MAML2: variants seen among roughly 807,000 people sequenced by gnomAD.
The protein encoded by MAML2 is mastermind like transcriptional coactivator 2, also known as mastermind-like protein 2.
A neutral mutation model predicts 96.1 loss-of-function variants in MAML2; 22 were observed. That is an observed-to-expected ratio of 0.23 (90% CI 0.16 to 0.33). The LOEUF is 0.33. Among genes scored for constraint, MAML2 ranks in the 10% least tolerant of loss-of-function variants. The pLI, the probability that MAML2 is intolerant of heterozygous loss-of-function variation, is 1.00. For synonymous variants in MAML2, 561 were observed against 521.3 expected, an observed-to-expected ratio of 1.08 and a Z score of -1.04; for missense variants, 1,367 against 1,392.4, an observed-to-expected ratio of 0.98 and a Z score of 0.29.
At chr11:96,113,904 A>C (rs1325387330) in intron 1 of MAML2, among the ~76,000 whole-genome samples, 1 of 152,172 alleles carries the variant, frequency 6.6e-6, no homozygotes, top group South Asian at 2.1e-4. Context: ...GAAGTCATTC[A>C]TAGAGAGTGT....
intron 1 of MAML2, among the ~76,000 whole-genome samples, chr11:96,212,935 C>A (rs1861992631): frequency 6.6e-6 from 1 of 152,136 alleles, no homozygotes; most frequent in Admixed American, 6.5e-5. Flanking sequence ...GGGTAAGACA[C>A]TCTACCAGCC....
At chr11:96,236,085 A>G (rs1591088088) in intron 1 of MAML2, among the ~76,000 whole-genome samples, 2 of 152,222 alleles carry the variant, frequency 1.3e-5, no homozygotes, top group South Asian at 4.1e-4. Flanking sequence ...CTGAAGGAGC[A>G]CTTTGAATTC....
At chr11:95,996,541 G>C (rs536753533) in intron 2 of MAML2, among the ~76,000 whole-genome samples, 3 of 152,262 alleles carry the variant, frequency 2.0e-5, no homozygotes, top group African/African-American at 7.2e-5. Context: ...GAAAGAATGA[G>C]ATAAATCCTT....
intron 1 of MAML2, among the ~76,000 whole-genome samples, chr11:96,248,262 G>A (rs188927854): frequency 6.6e-6 from 1 of 151,718 alleles, no homozygotes; most frequent in Non-Finnish European, 1.5e-5. Flanking sequence ...ACAGGCACCT[G>A]CCACCATGCC....
chr11:96,282,172 C>G (rs1270422243), intron 1 of MAML2, among the ~76,000 whole-genome samples: 1 of 151,558 alleles, frequency 6.6e-6, no homozygotes, highest in Admixed American at 6.6e-5. Flanking sequence ...TGGCGTGAAC[C>G]CGGGAGACGG....
At chr11:96,163,407 A>G (rs1436977867) in intron 1 of MAML2, among the ~76,000 whole-genome samples, 2 of 152,220 alleles carry the variant, frequency 1.3e-5, no homozygotes, top group South Asian at 2.1e-4. Flanking sequence ...AGGTATGTCA[A>G]CTATCTTATA....
At chr11:96,003,016 G>A (rs2135720082) in intron 2 of MAML2, among the ~76,000 whole-genome samples, 1 of 150,280 alleles carries the variant, frequency 6.7e-6, no homozygotes, top group South Asian at 2.2e-4. Context: ...TGGGGATGAT[G>A]AAGATGATGA....
At chr11:95,984,470 T>C (rs1007058961) in intron 4 of MAML2, among the ~76,000 whole-genome samples, 1 of 152,196 alleles carries the variant, frequency 6.6e-6, no homozygotes, top group Admixed American at 6.5e-5. Flanking sequence ...TTGTTGTCTT[T>C]AGAGACAGTG....
chr11:96,018,457 G>C (rs1412911025), intron 2 of MAML2, among the ~76,000 whole-genome samples: 2 of 152,300 alleles, frequency 1.3e-5, no homozygotes, highest in South Asian at 2.1e-4. Context: ...TGATGAAAAG[G>C]AGTACAGTAA....
chr11:96,237,200 T>A lies in MAML2; in HGVS notation c.513+104183A>T, dbSNP rs577246438. Among the ~76,000 whole-genome samples the A allele has an allele frequency of 1.3e-3, 191 of 152,346 alleles. 1 individual carries two copies. The highest frequency in any genetic ancestry group is 4.5e-3 in the African/African-American group (188 of 41,578). ...TTTATAGTAATTTACCTTCTCTTCTTGGCCAGTCAGTATTCTTCTCATCCT... is the reference window on the plus strand; with the variant it reads ...TTTATAGTAATTTACCTTCTCTTCTAGGCCAGTCAGTATTCTTCTCATCCT... On this transcript the variant is annotated intron_variant, in intron 1 of 4. Transcript: ENST00000524717.
chr11:96,206,423 C>A (rs990883196), intron 1 of MAML2, among the ~76,000 whole-genome samples: 1 of 152,146 alleles, frequency 6.6e-6, no homozygotes, highest in African/African-American at 2.4e-5. Context: ...TGGTAAAACC[C>A]TATCTCTACT....
intron 1 of MAML2, among the ~76,000 whole-genome samples, chr11:96,133,854 C>T (rs1333977124): frequency 2.0e-5 from 3 of 152,060 alleles, no homozygotes; most frequent in Non-Finnish European, 2.9e-5. Flanking sequence ...ATTAGCTGGG[C>T]GTGATGGCAT....
intron 1 of MAML2, among the ~76,000 whole-genome samples, chr11:96,113,172 C>CAAAA (rs746481079): frequency 3.7e-5 from 1 of 26,876 alleles, no homozygotes; most frequent in Non-Finnish European, 8.5e-5. Context: ...CTTTAAAAGA[C>CAAAA]AAAAAAAAAA....
intron 1 of MAML2, among the ~76,000 whole-genome samples, chr11:96,127,012 T>TA: frequency 6.6e-6 from 1 of 152,208 alleles, no homozygotes; most frequent in South Asian, 2.1e-4. Context: ...GTCTCATCAC[T>TA]TGTTGACCCG....
At chr11:96,091,122 C>G (rs917764535) in intron 2 of MAML2, among the ~76,000 whole-genome samples, 1 of 152,180 alleles carries the variant, frequency 6.6e-6, no homozygotes, top group African/African-American at 2.4e-5. Flanking sequence ...GAATAAACCT[C>G]TGTTTTATGT....
At chr11:96,004,728 A>G (rs1185386185) in intron 2 of MAML2, among the ~76,000 whole-genome samples, 1 of 152,192 alleles carries the variant, frequency 6.6e-6, no homozygotes. Flanking sequence ...CTTCTTGTCT[A>G]TTATGGAAAA....
At chr11:96,330,322 A>G (rs568277342) in intron 1 of MAML2, among the ~76,000 whole-genome samples, 87 of 152,356 alleles carry the variant, frequency 5.7e-4, no homozygotes, top group Non-Finnish European at 1.1e-3. Context: ...TGTACCAAAC[A>G]AAACTGTAGG....
chr11:96,245,389 CAAGT>C (rs1862496814), intron 1 of MAML2, among the ~76,000 whole-genome samples: 1 of 152,000 alleles, frequency 6.6e-6, no homozygotes, highest in Admixed American at 6.5e-5. Flanking sequence ...TTTTGTTTCC[CAAGT>C]AAGAGCTCAC....
chr11:96,115,022 A>C (rs886491701), intron 1 of MAML2, among the ~76,000 whole-genome samples: 3 of 152,174 alleles, frequency 2.0e-5, no homozygotes, highest in South Asian at 2.1e-4. Context: ...GAGGTTCTTC[A>C]GGAGAGGACA....
Sources: allele counts gnomAD v4.1 joint callset (sites outside exome capture counted in the v4.1 genomes callset), GRCh38; gene constraint gnomAD v4.1.1; transcripts MANE v1.5; gene names NCBI Gene and HGNC (gene_info 2026-07-23, HGNC 2026-07-21).